Variants in NECTIN4 observed in about 807,000 individuals in gnomAD.
NECTIN4 encodes the protein nectin cell adhesion molecule 4.
NECTIN4 carries 19 observed loss-of-function variants against 51.7 expected under a neutral mutation model. That is an observed-to-expected ratio of 0.37 (90% CI 0.26 to 0.54). NECTIN4 has a LOEUF of 0.54. Ranked by LOEUF, NECTIN4 falls within the 20% of genes least tolerant of loss-of-function variation. NECTIN4 has a pLI of 0.86. For synonymous variants in NECTIN4, 283 were observed against 286.9 expected (o/e 0.99, Z 0.14); for missense variants, 619 against 662.4 (o/e 0.93, Z 0.72).
In NECTIN4 at chr1:161,089,239, G is replaced by T; in HGVS notation, c.58C>A (p.Leu20Ile). The change falls in exon 1 of 9, where the codon CTA (leucine) becomes ATA (isoleucine). Residue 20 changes from leucine (L) to isoleucine (I), a missense_variant. Leu to Ile is a conservative substitution (Grantham distance 5, BLOSUM62 2). Coordinates refer to ENST00000368012, the MANE Select transcript of NECTIN4 (RefSeq NM_030916.3). This position sits in a 1 kb window ranked among gnomAD's most constrained non-coding sequence, Gnocchi z 4.1. ...WGPEAWLLLL[L>I]LLASFTGRCP... ...CTACCTGTAAATGATGCCAGCAGTA[G>T]CAGCAGCAGCAGCCAGGCCTCAGGC... is the stretch of plus-strand genomic sequence containing the variant. 1.2e-6 allele frequency: 2 copies of T among 1,608,318 alleles called. No homozygotes were observed. The highest frequency in any genetic ancestry group is 8.5e-7 in the Non-Finnish European group (1 of 1,177,076).
Position 161,089,336 on chromosome 1 carries a change from C to T in NECTIN4, c.-40G>A, listed in dbSNP as rs1270918907. 13 of 1,571,144 alleles carry T rather than the reference C, an allele frequency of 8.3e-6. No individual in the cohort carries two copies. The Admixed American group carries it at 1.2e-4, about 14-fold the overall frequency. On this transcript the variant is annotated 5_prime_UTR_variant, in exon 1 of 9. Coordinates refer to ENST00000368012, the MANE Select transcript of NECTIN4 (RefSeq NM_030916.3). This position sits in a 1 kb window ranked among gnomAD's most constrained non-coding sequence, Gnocchi z 4.1. ...CTGCCCAGCGTTTCTGAAGTTCCAC[C>T]GAGATCTCCCTGGGAGCCGGCTGCA...
At chr1:161,079,543 C>A in intron 2 of NECTIN4, 47 bp downstream of exon 2, 3 of 1,597,124 alleles carry the variant, frequency 1.9e-6, no homozygotes, top group Non-Finnish European at 2.5e-6. Context: ...CTCTGCTTCC[C>A]CCTGCATCCA....
Position 161,089,298 on chromosome 1 carries a change from GT to G in NECTIN4, c.-3del. 1.2e-6 allele frequency: 2 copies of G among 1,608,986 alleles called. No individual in the cohort carries two copies. Among genetic ancestry groups the G allele is most frequent in the Non-Finnish European group, 1.7e-6 (2 of 1,179,818 alleles). On this transcript the variant is annotated 5_prime_UTR_variant, in exon 1 of 9. Transcript: ENST00000368012. The surrounding 1 kb of genome is among the most constrained non-coding windows in gnomAD (Gnocchi z 4.1). ...CTCGGCTCCCAGGGACAGGGGCATG[GT>G]TGAAAGGCAGACTGCCCAGCGTTTC...
chr1:161,073,693 AT>A, intron 7 of NECTIN4, 26 bp downstream of exon 7: 1 of 1,599,922 alleles, frequency 6.3e-7, no homozygotes, highest in Non-Finnish European at 8.6e-7. Flanking sequence ...ACACCCCTGC[AT>A]GCATACACCC....
At chr1:161,082,565 G>A (rs1382869510) in intron 1 of NECTIN4, among the ~76,000 whole-genome samples, 1 of 152,100 alleles carries the variant, frequency 6.6e-6, no homozygotes, top group Non-Finnish European at 1.5e-5. Context: ...AGCACATAGA[G>A]CACAGGAAGG....
intron 1 of NECTIN4, among the ~76,000 whole-genome samples, chr1:161,085,830 G>T (rs1268661617): frequency 1.3e-5 from 2 of 151,986 alleles, no homozygotes; most frequent in East Asian, 3.9e-4. Context: ...GGGACCACAG[G>T]TATACTACCA....
At chr1:161,083,111 C>G (rs773331538) in intron 1 of NECTIN4, among the ~76,000 whole-genome samples, 16 of 152,190 alleles carry the variant, frequency 1.1e-4, no homozygotes, top group Non-Finnish European at 2.1e-4. Context: ...GTCCACGATC[C>G]CCACCCCTAG....
chr1:161,073,675 A>G (rs201612074), intron 7 of NECTIN4, 45 bp downstream of exon 7: 10 of 1,522,628 alleles, frequency 6.6e-6, no homozygotes, highest in Non-Finnish European at 5.5e-6. Flanking sequence ...GCAGACCCCA[A>G]TGCGACCACA....
rs1243113695 is a variant in NECTIN4, at chr1:161,071,324, A to C, written c.*1337T>G. 4 of 152,348 alleles carry C rather than the reference A, an allele frequency of 2.6e-5. No homozygotes were observed. The East Asian group carries it at 7.7e-4, about 29-fold the overall frequency. The allele number at this position is 152,348 out of a possible 1,614,324, so 9.4% of individuals were successfully genotyped here. On this transcript the variant is annotated 3_prime_UTR_variant, in exon 9 of 9. Coordinates refer to ENST00000368012, the MANE Select transcript of NECTIN4 (RefSeq NM_030916.3). ...ATTAGTGATCCAAAACCCAGGGGGAAAGGCGACATTCTCACCCCCAGCACC... is the reference window on the plus strand; with the variant it reads ...ATTAGTGATCCAAAACCCAGGGGGACAGGCGACATTCTCACCCCCAGCACC...
rs1375872804 is a variant in NECTIN4, at chr1:161,085,074, C to G, written c.79+4144G>C. The G allele has an allele frequency of 2.0e-5, 3 of 152,420 alleles. No individual in the cohort carries two copies. The East Asian group carries it at 5.8e-4, about 29-fold the overall frequency. 9.4% of individuals were successfully genotyped at this position (152,420 alleles called of 1,614,324 possible). Reference sequence around the variant, plus strand: ...AACCCCTTTCCATCCACTCTTTGCCCCATAACCTTGGCCTTGGAGTGCTAA... The same window carrying G: ...AACCCCTTTCCATCCACTCTTTGCCGCATAACCTTGGCCTTGGAGTGCTAA... On this transcript the variant is annotated intron_variant, in intron 1 of 8. Transcript: ENST00000368012.
At position 161,079,771 on chromosome 1, in the gene NECTIN4, G is replaced by A. The variant is rs1461364544; in HGVS notation, c.258C>T (p.Tyr86=). 13 of 1,612,610 alleles carry A rather than the reference G, an allele frequency of 8.1e-6. No individual in the cohort carries two copies. Among genetic ancestry groups the A allele is most frequent in the Non-Finnish European group, 9.3e-6 (11 of 1,179,964 alleles). ...AQELALLHSK[Y]GLHVSPAYEG... is the part of the protein sequence containing the mutation. The stretch of plus-strand genomic sequence containing the variant: ...CGTAAGCCGGGCTCACATGAAGCCC[G>A]TATTTGGAGTGCAGTAGCGCTAGTT... Residue 86 remains tyrosine (Y), a synonymous_variant, in exon 2 of 9, where the codon TAC becomes TAT. Transcript: ENST00000368012.
Position 161,073,722 on chromosome 1 carries a change from G to T in NECTIN4, c.1231C>A (p.Gln411Lys), listed in dbSNP as rs922455089. ...ATACACCCAACCTTGGCACACACCT[G>T]GCTCCTGGGGTCCGTGTGATGGGAA... ...LHSHHTDPRS[Q>K]PEESVGLRAE... The change falls in exon 7 of 9, where the codon CAG (glutamine) becomes AAG (lysine). Residue 411 changes from glutamine to lysine, a missense_variant and splice_region_variant. Physicochemically the swap from Gln to Lys is moderately conservative, Grantham distance 53. Coordinates refer to ENST00000368012, the MANE Select transcript of NECTIN4 (RefSeq NM_030916.3). The T allele has an allele frequency of 8.1e-6, 13 of 1,613,830 alleles. No individual in the cohort carries two copies. The highest frequency in any genetic ancestry group is 2.7e-5 in the African/African-American group (2 of 74,932).
At position 161,074,287 on chromosome 1, in the gene NECTIN4, G is replaced by A; in HGVS notation, c.1087C>T (p.Leu363Phe). 5.6e-6 allele frequency: 9 copies of A among 1,613,926 alleles called. No individual in the cohort carries two copies. The highest frequency in any genetic ancestry group is 7.6e-6 in the Non-Finnish European group (9 of 1,179,964). The change falls in exon 6 of 9, where the codon CTT becomes TTT. Residue 363 changes from leucine to phenylalanine, a missense_variant. Leu to Phe is a conservative substitution (Grantham distance 22). Around this residue, in one of 3 missense-constraint regions of NECTIN4, gnomAD observed 364 missense variants for 415.7 expected, o/e 0.88. Coordinates refer to ENST00000368012, the MANE Select transcript of NECTIN4 (RefSeq NM_030916.3). The part of the protein sequence containing the change: ...VGVIAALLFC[L>F]LVVVVVLMSR... ...ATGAGCACCACCACCACCACCAGAA[G>A]GCAGAACAAGAGTGCGGCGATCACA...
At chr1:161,076,606 C>T (rs1653426919) in intron 3 of NECTIN4, 131 bp from the exon 4 acceptor site, 3 of 1,280,338 alleles carry the variant, frequency 2.3e-6, no homozygotes. Flanking sequence ...TACTCATCTG[C>T]TGCCAAACCT....
chr1:161,084,803 C>G (rs1653854443), intron 1 of NECTIN4: 1 of 152,074 alleles, frequency 6.6e-6, no homozygotes. Context: ...AGCTCTGGCT[C>G]CAGGCCTGGG....
At position 161,073,772 on chromosome 1, in the gene NECTIN4, CT is replaced by C. The variant is rs1300507804; in HGVS notation, c.1180del (p.Arg394GlyfsTer23). The C allele has an allele frequency of 1.2e-6, 2 of 1,614,180 alleles. No homozygotes were observed. The highest frequency in any genetic ancestry group is 1.7e-6 in the Non-Finnish European group (2 of 1,180,010). On this transcript the variant is annotated frameshift_variant, in exon 7 of 9. Coordinates refer to ENST00000368012, the MANE Select transcript of NECTIN4 (RefSeq NM_030916.3). LOFTEE classifies it high-confidence loss of function. Reference protein sequence around the residue: ...QKYEEELTLTRENSIRRLHSH... With the variant: ...QKYEEELTLTXENSIRRLHSH... ...ATGCAGCCTCCGGATGGAGTTCTCCCTGGTCAGGGTCAGCTCCTCCTCACTG... is the reference window on the plus strand; with the variant it reads ...ATGCAGCCTCCGGATGGAGTTCTCCCGGTCAGGGTCAGCTCCTCCTCACTG...
chr1:161,083,486 G>A (rs1653789950), intron 1 of NECTIN4, among the ~76,000 whole-genome samples: 2 of 152,154 alleles, frequency 1.3e-5, no homozygotes, highest in Admixed American at 1.3e-4. Context: ...TCACCTTGAG[G>A]GCATGTGGTG....
In NECTIN4 at chr1:161,079,768, C is replaced by T; in HGVS notation, c.261G>A (p.Gly87=). ...QELALLHSKY[G]LHVSPAYEGR... ...CCTCGTAAGCCGGGCTCACATGAAG[C>T]CCGTATTTGGAGTGCAGTAGCGCTA... Residue 87 remains glycine (G), a synonymous_variant, in exon 2 of 9, where the codon GGG becomes GGA. Transcript: ENST00000368012. The T allele has an allele frequency of 6.2e-7, 1 of 1,612,576 alleles. No homozygotes were observed. The highest frequency in any genetic ancestry group is 1.7e-5 in the Admixed American group (1 of 60,026).
chr1:161,075,103 T>C lies in NECTIN4; in HGVS notation c.852-344A>G, dbSNP rs1012700956. 6.6e-5 allele frequency among the ~76,000 whole-genome samples: 10 copies of C among 152,284 alleles called. No homozygotes were observed. The East Asian group carries it at 9.7e-4, about 15-fold the overall frequency. Reference sequence around the variant, plus strand: ...CACTCCTAGCTGGGTGTAGAGGTAATTGGAAAATGTGACTGCCTGCTCCAA... The same window carrying C: ...CACTCCTAGCTGGGTGTAGAGGTAACTGGAAAATGTGACTGCCTGCTCCAA... On this transcript the variant is annotated intron_variant, in intron 4 of 8. Transcript: ENST00000368012.
Sources: allele counts gnomAD v4.1 joint callset (sites outside exome capture counted in the v4.1 genomes callset), GRCh38; gene constraint gnomAD v4.1.1; regional missense constraint gnomAD v4.1.1; non-coding constraint Gnocchi (gnomAD v3.1); transcripts MANE v1.5; gene names NCBI Gene and HGNC (gene_info 2026-07-23, HGNC 2026-07-21).